The following POT1 variants were observed in gnomAD, a reference collection of about 807,000 sequenced individuals.
The protein encoded by POT1 is protection of telomeres 1.
A neutral mutation model predicts 78.5 loss-of-function variants in POT1; 47 were observed. The observed-to-expected ratio is 0.60, with a 90% CI of 0.47 to 0.76. POT1 has a LOEUF of 0.76. Ranked by LOEUF, POT1 falls within the 30% of genes least tolerant of loss-of-function variation. The pLI is 0.00. For missense variants in POT1, 646 were observed against 749.9 expected, an observed-to-expected ratio of 0.86 and a Z score of 1.62; for synonymous variants, 259 against 260.7, an observed-to-expected ratio of 0.99 and a Z score of 0.06.
At chr7:124,841,390 A>G (rs985933748) in intron 13 of POT1, among the ~76,000 whole-genome samples, 3 of 151,980 alleles carry the variant, frequency 2.0e-5, no homozygotes, top group Non-Finnish European at 2.9e-5. Context: ...GTGGGTAAGT[A>G]TATCCAAATC....
chr7:124,884,613 A>C (rs1796199964), intron 6 of POT1, among the ~76,000 whole-genome samples: 1 of 95,140 alleles, frequency 1.1e-5, no homozygotes, highest in African/African-American at 4.3e-5. Flanking sequence ...CTAGCAAATA[A>C]AAGAAAGAAG....
At chr7:124,887,497 A>G (rs1796275074) in intron 6 of POT1, among the ~76,000 whole-genome samples, 1 of 152,104 alleles carries the variant, frequency 6.6e-6, no homozygotes, top group South Asian at 2.1e-4. Flanking sequence ...CAAAGAGTAG[A>G]TTCCTAGTTC....
At chr7:124,844,593 G>A (rs1410749480) in intron 12 of POT1, among the ~76,000 whole-genome samples, 4 of 150,828 alleles carry the variant, frequency 2.7e-5, no homozygotes, top group Non-Finnish European at 1.5e-5. Context: ...AAAATTAGCC[G>A]GTGTGGTGGC....
intron 1 of POT1, chr7:124,929,476 C>T (rs1797354843): frequency 6.6e-6 from 1 of 152,134 alleles, no homozygotes; most frequent in South Asian, 2.1e-4. Flanking sequence ...ACTTCTGCAT[C>T]GTAGGCTCAA....
At chr7:124,851,824 A>C in intron 11 of POT1, 48 bp downstream of exon 11, 2 of 1,269,548 alleles carry the variant, frequency 1.6e-6, no homozygotes, top group Non-Finnish European at 2.3e-6. Context: ...TGATAAAACT[A>C]TTTTATTTAG....
At chr7:124,871,939 G>C (rs1221832768) in intron 6 of POT1, among the ~76,000 whole-genome samples, 1 of 152,002 alleles carries the variant, frequency 6.6e-6, no homozygotes, top group Non-Finnish European at 1.5e-5. Flanking sequence ...TTTCACTATA[G>C]TCACTATGTT....
At chr7:124,879,633 C>T (rs1242930648) in intron 6 of POT1, among the ~76,000 whole-genome samples, 1 of 151,990 alleles carries the variant, frequency 6.6e-6, no homozygotes, top group East Asian at 1.9e-4. Flanking sequence ...TTAAGACATA[C>T]TTGGAAAAGA....
intron 6 of POT1, among the ~76,000 whole-genome samples, chr7:124,891,560 C>T (rs1448538384): frequency 1.3e-5 from 2 of 151,496 alleles, no homozygotes; most frequent in African/African-American, 4.8e-5. Context: ...ATTTAATTCA[C>T]TGTTTTCTAT....
Position 124,837,793 on chromosome 7 carries a change from TA to T in POT1, c.1370-2380del, listed in dbSNP as rs943673405. Among the ~76,000 whole-genome samples, 5 of 151,764 alleles carry T rather than the reference TA, an allele frequency of 3.3e-5. No homozygotes were observed. The East Asian group carries it at 5.8e-4, about 18-fold the overall frequency. On this transcript the variant is annotated intron_variant, in intron 14 of 18. Coordinates refer to ENST00000357628, the MANE Select transcript of POT1 (RefSeq NM_015450.3). ...GATCAACTTCTCTTAAGAAAACACA[TA>T]AAAAAATACTCAGAAAGTATTTAAA...
At chr7:124,907,232 C>G (rs192621046) in intron 3 of POT1, among the ~76,000 whole-genome samples, 1 of 152,194 alleles carries the variant, frequency 6.6e-6, no homozygotes, top group Non-Finnish European at 1.5e-5. Flanking sequence ...GGTCATTTCC[C>G]TTTTGTGTCT....
chr7:124,830,581 T>A (rs1300789389), intron 15 of POT1, among the ~76,000 whole-genome samples: 1 of 151,958 alleles, frequency 6.6e-6, no homozygotes, highest in African/African-American at 2.4e-5. Flanking sequence ...GGATATTAAG[T>A]CAAAATTAAA....
chr7:124,904,815 C>A (rs1486592788), intron 3 of POT1, among the ~76,000 whole-genome samples: 1 of 152,194 alleles, frequency 6.6e-6, no homozygotes, highest in Admixed American at 6.5e-5. Context: ...GATACAAAAT[C>A]AATGTGCAAA....
At chr7:124,859,441 A>T (rs1465593973) in intron 8 of POT1, among the ~76,000 whole-genome samples, 2 of 152,132 alleles carry the variant, frequency 1.3e-5, no homozygotes, top group African/African-American at 4.8e-5. Context: ...TTTGCACATA[A>T]ATACAACTAG....
intron 6 of POT1, among the ~76,000 whole-genome samples, chr7:124,881,866 C>T (rs1796127071): frequency 6.6e-6 from 1 of 151,882 alleles, no homozygotes; most frequent in African/African-American, 2.4e-5. Context: ...ATAAATAGTA[C>T]ACAGTACTTA....
chr7:124,910,500 C>T (rs1460268660), intron 3 of POT1, among the ~76,000 whole-genome samples: 1 of 151,734 alleles, frequency 6.6e-6, no homozygotes, highest in East Asian at 1.9e-4. Flanking sequence ...TGTAAGATTT[C>T]ATACAAATAT....
At chr7:124,876,340 A>C (rs193014161) in intron 6 of POT1, among the ~76,000 whole-genome samples, 113 of 147,400 alleles carry the variant, frequency 7.7e-4, no homozygotes, top group Middle Eastern at 7.4e-3. Context: ...AAAAACTTTA[A>C]AAGGTCTGGA....
intron 14 of POT1, among the ~76,000 whole-genome samples, chr7:124,837,470 C>T (rs1251852091): frequency 6.6e-6 from 1 of 151,932 alleles, no homozygotes; most frequent in Non-Finnish European, 1.5e-5. Context: ...AAGTTTGACA[C>T]CTTAGATAAA....
intron 2 of POT1, among the ~76,000 whole-genome samples, chr7:124,920,640 A>T (rs918197819): frequency 6.8e-6 from 1 of 147,858 alleles, no homozygotes; most frequent in Admixed American, 6.9e-5. Flanking sequence ...TTATTCAGAT[A>T]TGTAAAAGAA....
chr7:124,917,868 T>C (rs1654654297), intron 2 of POT1, among the ~76,000 whole-genome samples: 2 of 152,122 alleles, frequency 1.3e-5, no homozygotes, highest in Non-Finnish European at 2.9e-5. Context: ...GAAAGGGCCC[T>C]AGCACCTGGA....
Sources: allele counts gnomAD v4.1 joint callset (sites outside exome capture counted in the v4.1 genomes callset), GRCh38; gene constraint gnomAD v4.1.1; transcripts MANE v1.5; gene names NCBI Gene and HGNC (gene_info 2026-07-23, HGNC 2026-07-21).